STARD13: variants seen among roughly 807,000 people sequenced by gnomAD.
The protein encoded by STARD13 is StAR related lipid transfer domain containing 13.
A neutral mutation model predicts 106.4 loss-of-function variants in STARD13; 62 were observed. The ratio of observed to expected loss-of-function variants is 0.58; its 90% CI spans 0.48 to 0.72. The LOEUF (loss-of-function observed/expected upper bound fraction) is 0.72. Among genes scored for constraint, STARD13 ranks in the 30% least tolerant of loss-of-function variants. The probability of loss-of-function intolerance (pLI) is 0.00; values close to 1 mark genes in which losing one functional copy is unlikely to be tolerated. For synonymous variants in STARD13, 565 were observed against 553.0 expected, an observed-to-expected ratio of 1.02 and a Z score of -0.31; for missense variants, 1,387 against 1,424.0, an observed-to-expected ratio of 0.97 and a Z score of 0.42.
chr13:33,200,832 T>C (rs528020468), intron 1 of STARD13, among the ~76,000 whole-genome samples: 31 of 150,940 alleles, frequency 2.1e-4, no homozygotes, highest in Admixed American at 1.1e-3. Flanking sequence ...CCATCCTGGC[T>C]AACACGGTGA....
chr13:33,216,150 G>C (rs1381009535), intron 1 of STARD13, among the ~76,000 whole-genome samples: 2 of 150,644 alleles, frequency 1.3e-5, no homozygotes, highest in Admixed American at 1.3e-4. Context: ...CTGGAAAACA[G>C]TGTGGAGATT....
At chr13:33,245,344 C>A (rs1042691788) in intron 1 of STARD13, among the ~76,000 whole-genome samples, 1 of 152,142 alleles carries the variant, frequency 6.6e-6, no homozygotes, top group African/African-American at 2.4e-5. Context: ...AATCTTCATC[C>A]GCACTTACAT....
chr13:33,301,568 C>CTTTT (rs11393186), intron 1 of STARD13, among the ~76,000 whole-genome samples: 1 of 72,066 alleles, frequency 1.4e-5, no homozygotes, highest in African/African-American at 4.8e-5. Context: ...CTTTTTTTTT[C>CTTTT]TTTTTTTTTT....
chr13:33,552,571 TACTTAA>T, the STARD13 span, among the ~76,000 whole-genome samples: 1 of 152,232 alleles, frequency 6.6e-6, no homozygotes, highest in African/African-American at 2.4e-5. Flanking sequence ...TTGAATTATA[TACTTAA>T]ACTATAAATT....
chr13:33,287,378 TCA>T (rs1892107154), upstream of STARD13, among the ~76,000 whole-genome samples: 1 of 152,146 alleles, frequency 6.6e-6, no homozygotes, highest in East Asian at 1.9e-4. Context: ...GCCTACTACC[TCA>T]CGTAGTTGGT....
the STARD13 span, among the ~76,000 whole-genome samples, chr13:33,597,526 G>A: frequency 6.6e-6 from 1 of 151,964 alleles, no homozygotes; most frequent in Non-Finnish European, 1.5e-5. Context: ...GTTGGGCAGA[G>A]TAGTGGGTGC....
the STARD13 span, among the ~76,000 whole-genome samples, chr13:33,570,813 C>T: frequency 3.4e-4 from 52 of 152,102 alleles, 1 homozygote; most frequent in Non-Finnish European, 2.9e-5. Context: ...ATATGGAGTT[C>T]TCTACCAACA....
rs1018861986 is a variant in STARD13, at chr13:33,171,169, T to C, written c.170-3547A>G. On this transcript the variant is annotated intron_variant, in intron 1 of 13. Coordinates refer to ENST00000336934, the MANE Select transcript of STARD13 (RefSeq NM_178006.4). ...TATTATGTAAAAGCATTAAGAGCTA[T>C]TAAAATCACATTTTGACAGTTTTAT... Among the ~76,000 whole-genome samples, 69 of 152,244 alleles carry C rather than the reference T, an allele frequency of 4.5e-4. 1 individual carries two copies. The highest frequency in any genetic ancestry group is 1.6e-3 in the African/African-American group (67 of 41,472).
the STARD13 span, chr13:33,654,867 T>C: frequency 1.3e-5 from 2 of 152,232 alleles, no homozygotes; most frequent in African/African-American, 2.4e-5. Flanking sequence ...GAAAGAATAA[T>C]ACTCCAGCCT....
chr13:33,334,794 AG>A (rs893114545), intron 1 of STARD13, among the ~76,000 whole-genome samples: 2 of 152,246 alleles, frequency 1.3e-5, no homozygotes, highest in African/African-American at 4.8e-5. Flanking sequence ...GGACAGCGCC[AG>A]GCAGGCGGTA....
chr13:33,152,414 T>C (rs1374082281), intron 3 of STARD13, among the ~76,000 whole-genome samples: 1 of 100,618 alleles, frequency 9.9e-6, no homozygotes, highest in South Asian at 3.3e-4. Flanking sequence ...GCTTCAGTCA[T>C]ACAAAAAAAA....
intron 1 of STARD13, among the ~76,000 whole-genome samples, chr13:33,189,523 TG>T (rs1412786353): frequency 6.6e-6 from 1 of 151,270 alleles, no homozygotes; most frequent in Non-Finnish European, 1.5e-5. Flanking sequence ...GTCCTTCCGA[TG>T]GCACTTTCAT....
chr13:33,345,168 T>C (rs2078004725), downstream of STARD13, among the ~76,000 whole-genome samples: 1 of 152,220 alleles, frequency 6.6e-6, no homozygotes, highest in South Asian at 2.1e-4. Context: ...GTGGGCAGAA[T>C]GAACCACAGA....
At chr13:33,126,300 C>T (rs1877164242) in intron 6 of STARD13, 60 bp from the exon 7 acceptor site, 1 of 1,564,844 alleles carries the variant, frequency 6.4e-7, no homozygotes, top group Non-Finnish European at 8.7e-7. Flanking sequence ...GGGTGAGGCT[C>T]TGGAAGCAAG....
rs561817253 is a variant in STARD13 at position 33,298,421 on chromosome 13, G to A, written c.124+51869C>T. On this transcript the variant is annotated intron_variant, in intron 1 of 5. Coordinates refer to the STARD13 transcript ENST00000567873. ...CAAAGTGCTGGGATTACAGGCGTGA[G>A]CCACTGTGCCCAATCCCCATCTACA... Among the ~76,000 whole-genome samples, 8 of 151,168 alleles carry A rather than the reference G, an allele frequency of 5.3e-5. No individual in the cohort carries two copies. The South Asian group carries it at 1.0e-3, about 20-fold the overall frequency.
the STARD13 span, among the ~76,000 whole-genome samples, chr13:33,512,302 G>A: frequency 6.6e-6 from 1 of 152,122 alleles, no homozygotes; most frequent in African/African-American, 2.4e-5. Context: ...TTATATGTGA[G>A]CAAAATTTTA....
chr13:33,671,220 A>C, the STARD13 span, among the ~76,000 whole-genome samples: 16 of 152,388 alleles, frequency 1.0e-4, no homozygotes, highest in African/African-American at 3.8e-4. Context: ...TTCAGCAATT[A>C]ATTAAAATAA....
intron 4 of STARD13, among the ~76,000 whole-genome samples, chr13:33,132,112 G>A (rs914183644): frequency 6.6e-6 from 1 of 152,130 alleles, no homozygotes; most frequent in African/African-American, 2.4e-5. Flanking sequence ...GTGTAGGTTT[G>A]ACTAAATGAC....
chr13:33,624,531 T>C, the STARD13 span, among the ~76,000 whole-genome samples: 1 of 152,230 alleles, frequency 6.6e-6, no homozygotes, highest in African/African-American at 2.4e-5. Flanking sequence ...AAGTTGGCAA[T>C]GGTCTTCCTC....
Sources: allele counts gnomAD v4.1 joint callset (sites outside exome capture counted in the v4.1 genomes callset), GRCh38; gene constraint gnomAD v4.1.1; transcripts MANE v1.5; gene names NCBI Gene and HGNC (gene_info 2026-07-23, HGNC 2026-07-21).